CADM2: variants seen among roughly 807,000 people sequenced by gnomAD.
CADM2 encodes the protein immunoglobulin superfamily member 4D.
Under a neutral mutation model 49.8 loss-of-function variants are expected in CADM2, and 12 were observed. The observed-to-expected ratio is 0.24, with a 90% CI of 0.15 to 0.39. The LOEUF (loss-of-function observed/expected upper bound fraction) is 0.39. Ranked by LOEUF, CADM2 falls within the 10% of genes least tolerant of loss-of-function variation. The pLI is 1.00. For synonymous variants in CADM2, 214 were observed against 175.4 expected, an observed-to-expected ratio of 1.22 and a Z score of -1.74; for missense variants, 378 against 492.3, an observed-to-expected ratio of 0.77 and a Z score of 2.20.
chr3:85,225,664 T>A (rs1409824616), intron 1 of CADM2, among the ~76,000 whole-genome samples: 1 of 152,218 alleles, frequency 6.6e-6, no homozygotes, highest in Non-Finnish European at 1.5e-5. Context: ...AGAGAGGGCA[T>A]CCTTGTCTAG....
At chr3:85,151,435 G>C (rs975728681) in intron 1 of CADM2, among the ~76,000 whole-genome samples, 2 of 151,414 alleles carry the variant, frequency 1.3e-5, no homozygotes, top group South Asian at 2.1e-4. Flanking sequence ...CTTTATTATA[G>C]TTAGGAGCCC....
At chr3:85,181,508 G>A (rs1410561201) in intron 1 of CADM2, among the ~76,000 whole-genome samples, 1 of 152,074 alleles carries the variant, frequency 6.6e-6, no homozygotes, top group Non-Finnish European at 1.5e-5. Context: ...AGTCTGAAGA[G>A]TAAATGAAGC....
chr3:86,054,971 T>C (rs1411416832), intron 8 of CADM2, among the ~76,000 whole-genome samples: 2 of 152,150 alleles, frequency 1.3e-5, no homozygotes, highest in Non-Finnish European at 2.9e-5. Context: ...GAGTTTGGTA[T>C]TGTTGACATT....
At chr3:85,419,872 G>A (rs2036088805) in intron 1 of CADM2, among the ~76,000 whole-genome samples, 1 of 152,094 alleles carries the variant, frequency 6.6e-6, no homozygotes, top group African/African-American at 2.4e-5. Flanking sequence ...TTTTTTCAAA[G>A]CCAGATTTCT....
intron 1 of CADM2, among the ~76,000 whole-genome samples, chr3:85,341,297 A>T (rs1442144619): frequency 6.6e-6 from 1 of 152,066 alleles, no homozygotes; most frequent in South Asian, 2.1e-4. Flanking sequence ...AATGAAATGC[A>T]TTTGAAAATT....
chr3:85,473,489 C>T (rs533895367), intron 1 of CADM2, among the ~76,000 whole-genome samples: 3 of 152,010 alleles, frequency 2.0e-5, no homozygotes, highest in Admixed American at 6.6e-5. Flanking sequence ...GTTAAGAAAG[C>T]GTTACAAAGA....
rs765982772 is a variant in CADM2 at position 85,615,946 on chromosome 3, C to CAA, written c.62-110575_62-110574dup. Among the ~76,000 whole-genome samples the CAA allele has an allele frequency of 4.6e-5, 7 of 151,916 alleles. No homozygotes were observed. In the East Asian group the frequency reaches 1.4e-3, roughly 30 times the overall value. On this transcript the variant is annotated intron_variant, in intron 1 of 9. Transcript: ENST00000383699. ...AACAATTTCAAGAAAATCATTGACT[C>CAA]AAGAGGTTCAAGAAATTCACCAATA...
intron 1 of CADM2, among the ~76,000 whole-genome samples, chr3:85,574,744 A>C (rs1185165793): frequency 6.6e-6 from 1 of 152,220 alleles, no homozygotes; most frequent in East Asian, 1.9e-4. Flanking sequence ...TTAGCTATAC[A>C]TCTAGAGTAC....
intron 8 of CADM2, among the ~76,000 whole-genome samples, chr3:86,023,964 T>G (rs1733538548): frequency 6.6e-6 from 1 of 152,334 alleles, no homozygotes; most frequent in East Asian, 1.9e-4. Flanking sequence ...TATTAAGCAC[T>G]TTCACATTCT....
At chr3:85,928,214 A>G (rs1230162839) in intron 6 of CADM2, among the ~76,000 whole-genome samples, 4 of 150,346 alleles carry the variant, frequency 2.7e-5, no homozygotes, top group Non-Finnish European at 5.9e-5. Context: ...GCTGGAGTGC[A>G]ATGGCACGAT....
At chr3:85,909,192 A>G (rs1717224739) in intron 5 of CADM2, among the ~76,000 whole-genome samples, 1 of 152,112 alleles carries the variant, frequency 6.6e-6, no homozygotes, top group Non-Finnish European at 1.5e-5. Flanking sequence ...AGTTTCCCAC[A>G]TGACTCACCA....
At chr3:85,489,967 A>G (rs966628959) in intron 1 of CADM2, among the ~76,000 whole-genome samples, 2 of 152,114 alleles carry the variant, frequency 1.3e-5, no homozygotes, top group African/African-American at 2.4e-5. Flanking sequence ...ATCAAACCCA[A>G]TATTTTTGAT....
chr3:85,217,417 A>G (rs1446206442), intron 1 of CADM2, among the ~76,000 whole-genome samples: 2 of 152,024 alleles, frequency 1.3e-5, no homozygotes, highest in Non-Finnish European at 2.9e-5. Flanking sequence ...TTTAGCATTT[A>G]TATGTATTTT....
intron 1 of CADM2, among the ~76,000 whole-genome samples, chr3:85,456,262 G>A (rs1466644550): frequency 6.6e-6 from 1 of 152,156 alleles, no homozygotes; most frequent in Non-Finnish European, 1.5e-5. Context: ...TGATATCTGA[G>A]ATTGATAGTC....
chr3:85,693,697 C>G (rs2066460585), intron 1 of CADM2, among the ~76,000 whole-genome samples: 1 of 139,918 alleles, frequency 7.1e-6, no homozygotes, highest in South Asian at 2.2e-4. Flanking sequence ...ACCATCATGG[C>G]CAACATGGTA....
At chr3:85,196,867 A>ACCAT (rs1329330289) in intron 1 of CADM2, among the ~76,000 whole-genome samples, 1 of 152,002 alleles carries the variant, frequency 6.6e-6, no homozygotes, top group Non-Finnish European at 1.5e-5. Flanking sequence ...GTAGACAAAG[A>ACCAT]CCATCTTGCT....
At chr3:85,106,848 A>G (rs766191821) in intron 1 of CADM2, among the ~76,000 whole-genome samples, 40 of 152,172 alleles carry the variant, frequency 2.6e-4, no homozygotes, top group Non-Finnish European at 5.9e-4. Flanking sequence ...AAAGCTGGAG[A>G]AAGTCATTGG....
At chr3:85,621,299 A>G (rs1360429740) in intron 1 of CADM2, among the ~76,000 whole-genome samples, 2 of 152,168 alleles carry the variant, frequency 1.3e-5, no homozygotes, top group African/African-American at 4.8e-5. Flanking sequence ...AGTGTATAGA[A>G]GCTGCTTTCA....
intron 1 of CADM2, among the ~76,000 whole-genome samples, chr3:85,489,937 C>T (rs1221971929): frequency 7.9e-5 from 12 of 151,946 alleles, no homozygotes; most frequent in Admixed American, 4.6e-4. Flanking sequence ...AACCCCATGC[C>T]TTCCTTGAAT....
Sources: allele counts gnomAD v4.1 joint callset (sites outside exome capture counted in the v4.1 genomes callset), GRCh38; gene constraint gnomAD v4.1.1; transcripts MANE v1.5; gene names NCBI Gene and HGNC (gene_info 2026-07-23, HGNC 2026-07-21).